The following TBCD variants were observed in gnomAD, a reference collection of about 807,000 sequenced individuals.
TBCD encodes the protein tubulin-specific chaperone D.
TBCD carries 105 observed loss-of-function variants against 169.3 expected under a neutral mutation model. That is an observed-to-expected ratio of 0.62 (90% confidence interval 0.53 to 0.73). TBCD has a LOEUF of 0.73. TBCD is among the 30% of genes least tolerant of loss of function. TBCD has a pLI of 0.00. For missense variants in TBCD, 1,444 were observed against 1,600.1 expected (o/e 0.90, Z 1.66); for synonymous variants, 700 against 643.9 (o/e 1.09, Z -1.32).
chr17:82,900,586 C>G, intron 17 of TBCD, 65 bp from the exon 18 acceptor site: 3 of 1,305,308 alleles, frequency 2.3e-6, no homozygotes, highest in Admixed American at 1.7e-5. Flanking sequence ...TGCTGAATTC[C>G]CACCCACAGG....
chr17:82,900,612 C>T lies in TBCD; in HGVS notation c.1650-39C>T, dbSNP rs2059822371. ...CACCCACAGGCAGTGAGTTCTCGTT[C>T]TTCCGCGTCTCACCACCTCTCCATG... On this transcript the variant is annotated intron_variant, in intron 17 of 38. Coordinates refer to ENST00000355528, the MANE Select transcript of TBCD (RefSeq NM_005993.5). 4 of 1,553,444 alleles carry T rather than the reference C, an allele frequency of 2.6e-6. No individual in the cohort carries two copies. The South Asian group carries it at 3.4e-5, about 13-fold the overall frequency.
chr17:82,943,763 T>TTA lies in TBCD; in HGVS notation c.*1303_*1304dup, dbSNP rs1555676469. On this transcript the variant is annotated 3_prime_UTR_variant, in exon 39 of 39. Transcript: ENST00000355528. Reference sequence around the variant, plus strand: ...TGTTTGACCTGGTGGCCAATGGTCTTTATACCCTAAAAGAGCCTTGGGTTA... The same window carrying TTA: ...TGTTTGACCTGGTGGCCAATGGTCTTTATATACCCTAAAAGAGCCTTGGGTTA... The TTA allele has an allele frequency of 6.6e-6, 1 of 152,232 alleles. No homozygotes were observed. Among genetic ancestry groups the TTA allele is most frequent in the Non-Finnish European group, 1.5e-5 (1 of 68,044 alleles). The allele number at this position is 152,232 out of a possible 1,614,324, so 9.4% of individuals were successfully genotyped here. A position where few individuals can be genotyped will look rare whatever the true frequency, so the allele number is the denominator to read the frequency against.
chr17:82,907,525 CAAAAG>C, intron 20 of TBCD, among the ~76,000 whole-genome samples: 3 of 152,276 alleles, frequency 2.0e-5, no homozygotes, highest in Middle Eastern at 6.8e-3. Flanking sequence ...TCTAAAATAA[CAAAAG>C]AATGCAATGT....
intron 12 of TBCD, among the ~76,000 whole-genome samples, chr17:82,810,048 A>G (rs996011572): frequency 5.9e-5 from 9 of 152,176 alleles, no homozygotes; most frequent in Non-Finnish European, 2.9e-5. Context: ...TGAAAGGAAA[A>G]GCTCTACTGA....
intron 32 of TBCD, chr17:82,929,793 C>A: frequency 1.8e-6 from 1 of 545,434 alleles, no homozygotes. Context: ...CCTCCAGGAC[C>A]TGTGTCTGAT....
chr17:82,792,207 C>T (rs971812736), intron 7 of TBCD, among the ~76,000 whole-genome samples: 3 of 151,984 alleles, frequency 2.0e-5, no homozygotes, highest in Non-Finnish European at 2.9e-5. Flanking sequence ...ACTCGGGAAG[C>T]CGAGGCAGGA....
At chr17:82,931,984 C>T (rs1184937166) in intron 33 of TBCD, 1 of 153,044 alleles carries the variant, frequency 6.5e-6, no homozygotes, top group Non-Finnish European at 1.5e-5. Flanking sequence ...TTTTTCTGTT[C>T]TCCTTCCCTG....
chr17:82,858,336 A>G (rs1264962591), intron 13 of TBCD, among the ~76,000 whole-genome samples: 1 of 152,238 alleles, frequency 6.6e-6, no homozygotes, highest in Non-Finnish European at 1.5e-5. Flanking sequence ...CAACCTCTTC[A>G]TGAATCTTTT....
chr17:82,877,657 A>C (rs1176430863), intron 14 of TBCD, among the ~76,000 whole-genome samples: 2 of 152,192 alleles, frequency 1.3e-5, no homozygotes, highest in Admixed American at 6.5e-5. Flanking sequence ...TATAACTTTT[A>C]GTTATTAGAA....
At chr17:82,927,498 G>A (rs1020559729) in intron 29 of TBCD, among the ~76,000 whole-genome samples, 175 bp downstream of exon 29, 1 of 152,222 alleles carries the variant, frequency 6.6e-6, no homozygotes, top group Non-Finnish European at 1.5e-5. Context: ...AGCCTGCGTG[G>A]CAGGGCTTTG....
chr17:82,906,856 G>A (rs769355398), intron 20 of TBCD, among the ~76,000 whole-genome samples: 5 of 152,240 alleles, frequency 3.3e-5, no homozygotes, highest in Non-Finnish European at 7.3e-5. Context: ...GCTGATGCCC[G>A]TGCAAGACCT....
Position 82,766,267 on chromosome 17 carries a change from G to A in TBCD, c.334G>A (p.Val112Ile). ...AFKFLYIITK[V>I]RGYKTFLRLF... ...AATTCAGCATCTCTTTATTTGATAGGTTCGAGGCTATAAAACATTTCTTCG... is the reference window on the plus strand; with the variant it reads ...AATTCAGCATCTCTTTATTTGATAGATTCGAGGCTATAAAACATTTCTTCG... Residue 112 changes from valine (V) to isoleucine (I), a missense_variant and splice_region_variant, in exon 4 of 39, where the codon GTT becomes ATT. Val to Ile is a conservative substitution (Grantham distance 29). Transcript: ENST00000355528. 6.2e-7 allele frequency: 1 copy of A among 1,607,110 alleles called. No individual in the cohort carries two copies. Among genetic ancestry groups the A allele is most frequent in the Non-Finnish European group, 8.5e-7 (1 of 1,176,228 alleles).
At chr17:82,797,549 C>T (rs750781466) in intron 7 of TBCD, among the ~76,000 whole-genome samples, 4 of 152,116 alleles carry the variant, frequency 2.6e-5, no homozygotes, top group Non-Finnish European at 4.4e-5. Context: ...CATTGCATCC[C>T]TATTTTCAGA....
At chr17:82,752,555 CG>C (rs2047158275) in intron 1 of TBCD, among the ~76,000 whole-genome samples, 178 bp downstream of exon 1, 2 of 152,128 alleles carry the variant, frequency 1.3e-5, no homozygotes, top group African/African-American at 4.8e-5. Context: ...AGGGCCACCC[CG>C]GCGCGGCGTT....
chr17:82,784,860 G>A (rs561008187), intron 7 of TBCD, among the ~76,000 whole-genome samples: 8 of 152,206 alleles, frequency 5.3e-5, no homozygotes, highest in Non-Finnish European at 1.2e-4. Context: ...GGCAACTGCC[G>A]CAGCTCCCCG....
At chr17:82,942,383 G>C in intron 38 of TBCD, 66 bp from the exon 39 acceptor site, 1 of 1,609,346 alleles carries the variant, frequency 6.2e-7, no homozygotes, top group Admixed American at 1.7e-5. Flanking sequence ...AGGGGTGAGG[G>C]TCCCCTGGCT....
chr17:82,758,384 G>GGAA (rs1555672563), intron 2 of TBCD, among the ~76,000 whole-genome samples: 6 of 25,018 alleles, frequency 2.4e-4, no homozygotes, highest in Admixed American at 7.8e-4. Context: ...AAACGTCTCG[G>GGAA]AAAAAAAAAA....
chr17:82,889,932 G>A lies in TBCD; in HGVS notation c.1563+235G>A, dbSNP rs1221415575. Reference sequence around the variant, plus strand: ...CAGGCCGGAAAGCTGTGCTTTACACGTTGCCAAGAGCCACATAATGTGGCT... The same window carrying A: ...CAGGCCGGAAAGCTGTGCTTTACACATTGCCAAGAGCCACATAATGTGGCT... On this transcript the variant is annotated intron_variant, in intron 16 of 38. Transcript: ENST00000355528. The surrounding 1 kb of genome is among the most constrained non-coding windows in gnomAD (Gnocchi z 5.3). 2.0e-5 allele frequency among the ~76,000 whole-genome samples: 3 copies of A among 152,190 alleles called. No homozygotes were observed. The highest frequency in any genetic ancestry group is 2.9e-5 in the Non-Finnish European group (2 of 68,034).
chr17:82,838,592 T>C (rs2054186611), intron 13 of TBCD: 1 of 951,166 alleles, frequency 1.1e-6, no homozygotes, highest in Admixed American at 6.2e-5. Flanking sequence ...CATTGTCGCC[T>C]ACCCACTGTG....
Sources: gnomAD v4.1 joint callset for allele counts (sites outside exome capture counted in the v4.1 genomes callset) on GRCh38, gnomAD v4.1.1 for gene constraint, Gnocchi (gnomAD v3.1) non-coding constraint, MANE v1.5 for transcripts, NCBI Gene and HGNC (gene_info 2026-07-23, HGNC 2026-07-21) for gene names.